MAP2K6: variants seen among roughly 807,000 people sequenced by gnomAD.
The protein encoded by MAP2K6 is dual specificity mitogen-activated protein kinase kinase 6.
MAP2K6 carries 16 observed loss-of-function variants against 53.7 expected under a neutral mutation model. The observed-to-expected ratio is 0.30, with a 90% CI of 0.20 to 0.45. MAP2K6 has a LOEUF of 0.45. Ranked by LOEUF, MAP2K6 falls within the 20% of genes least tolerant of loss-of-function variation. MAP2K6 has a pLI of 1.00. For missense variants in MAP2K6, 204 were observed against 411.9 expected (o/e 0.50, Z 4.37); for synonymous variants, 132 against 143.1 (o/e 0.92, Z 0.55).
chr17:69,547,025 A>T lies in MAP2K6; in HGVS notation c.*5272A>T, dbSNP rs1911903537. On this transcript the variant is annotated 3_prime_UTR_variant, in exon 12 of 12. Transcript: ENST00000590474. ...GAGGTCTATGTTCCTCTTGTGTTTGAGTGCCTCTAGCACTGTTAAATGTGC... is the reference window on the plus strand; with the variant it reads ...GAGGTCTATGTTCCTCTTGTGTTTGTGTGCCTCTAGCACTGTTAAATGTGC... The T allele has an allele frequency of 1.3e-5, 2 of 151,930 alleles. No individual in the cohort carries two copies. Among genetic ancestry groups the T allele is most frequent in the Admixed American group, 1.3e-4 (2 of 15,268 alleles). 9.4% of individuals were successfully genotyped at this position (151,930 alleles called of 1,614,324 possible).
chr17:69,441,737 A>G (rs1169470866), intron 1 of MAP2K6, among the ~76,000 whole-genome samples: 1 of 152,134 alleles, frequency 6.6e-6, no homozygotes, highest in Non-Finnish European at 1.5e-5. Flanking sequence ...CCTAAACCTT[A>G]TGATTTAGAA....
chr17:69,480,979 A>G (rs1908332430), intron 1 of MAP2K6, among the ~76,000 whole-genome samples: 1 of 152,160 alleles, frequency 6.6e-6, no homozygotes, highest in South Asian at 2.1e-4. Context: ...CTTTTGAAAG[A>G]TGTTTAAATT....
Position 69,514,485 on chromosome 17 carries a change from A to G in MAP2K6, c.84-2370A>G, listed in dbSNP as rs556452411. On this transcript the variant is annotated intron_variant, in intron 2 of 11. Coordinates refer to ENST00000590474, the MANE Select transcript of MAP2K6 (RefSeq NM_002758.4). ...ACTTTAAGTATTCTATGTATTCCAA[A>G]AGGATTTTGAGGTGAGAGAAGGCTT... 6.6e-5 allele frequency among the ~76,000 whole-genome samples: 10 copies of G among 152,246 alleles called. No individual in the cohort carries two copies. In the East Asian group the frequency reaches 1.9e-3, roughly 29 times the overall value.
chr17:69,503,339 C>A (rs759735113), intron 1 of MAP2K6, among the ~76,000 whole-genome samples: 1 of 152,298 alleles, frequency 6.6e-6, no homozygotes, highest in South Asian at 2.1e-4. Context: ...TATTTGGATT[C>A]TCATAACTGG....
At position 69,415,001 on chromosome 17, in the gene MAP2K6, G is replaced by T; in HGVS notation, c.16+1G>T. Reference sequence around the variant, plus strand: ...AAGGGGAAAATGTCTCAGTCGAAAGGTAAGAGGCTGTTTGCATTAGTTGCA... The same window carrying T: ...AAGGGGAAAATGTCTCAGTCGAAAGTTAAGAGGCTGTTTGCATTAGTTGCA... On this transcript the variant is annotated splice_donor_variant, in intron 1 of 11. Coordinates refer to ENST00000590474, the MANE Select transcript of MAP2K6 (RefSeq NM_002758.4). LOFTEE classifies it high-confidence loss of function. 6.4e-7 allele frequency: 1 copy of T among 1,552,072 alleles called. No homozygotes were observed. Among genetic ancestry groups the T allele is most frequent in the Non-Finnish European group, 8.9e-7 (1 of 1,123,540 alleles).
At chr17:69,467,071 A>G (rs554548009) in intron 1 of MAP2K6, among the ~76,000 whole-genome samples, 1 of 152,168 alleles carries the variant, frequency 6.6e-6, no homozygotes, top group South Asian at 2.1e-4. Context: ...GTAATGACTC[A>G]TGAACTGGTA....
intron 1 of MAP2K6, among the ~76,000 whole-genome samples, chr17:69,480,209 G>A (rs118058145): frequency 0.015 from 2,342 of 152,224 alleles, 21 homozygotes; most frequent in Non-Finnish European, 0.022. Flanking sequence ...ATTTTGCATC[G>A]GTACCCTGAG....
intron 11 of MAP2K6, among the ~76,000 whole-genome samples, chr17:69,539,933 G>GA (rs1478943377): frequency 6.6e-6 from 1 of 152,166 alleles, no homozygotes; most frequent in Non-Finnish European, 1.5e-5. Context: ...AGCTCAGGAG[G>GA]AAGGACCTGG....
At chr17:69,514,722 C>T (rs543147531) in intron 2 of MAP2K6, among the ~76,000 whole-genome samples, 11 of 151,938 alleles carry the variant, frequency 7.2e-5, no homozygotes, top group East Asian at 5.8e-4. Context: ...CCACCACGCC[C>T]GGCTAATTTT....
At position 69,548,488 on chromosome 17, in the gene MAP2K6, A is replaced by T. The variant is rs1460373951; in HGVS notation, c.*6735A>T. The T allele has an allele frequency of 6.6e-6, 1 of 152,078 alleles. No homozygotes were observed. Among genetic ancestry groups the T allele is most frequent in the African/African-American group, 2.4e-5 (1 of 41,392 alleles). 9.4% of individuals were successfully genotyped at this position (152,078 alleles called of 1,614,324 possible). On this transcript the variant is annotated 3_prime_UTR_variant, in exon 12 of 12. Transcript: ENST00000590474. ...TCTTGGTTAAAGCTATAGTCTCCTT[A>T]TTATTCAGAAATATTCTTTTTCCTG... is the stretch of plus-strand genomic sequence containing the variant.
At chr17:69,540,599 T>C (rs1165347356) in intron 11 of MAP2K6, among the ~76,000 whole-genome samples, 1 of 152,250 alleles carries the variant, frequency 6.6e-6, no homozygotes, top group Non-Finnish European at 1.5e-5. Flanking sequence ...CAGGATTGTT[T>C]TGAAATGCAT....
chr17:69,434,441 C>T (rs1906573022), intron 1 of MAP2K6: 1 of 152,178 alleles, frequency 6.6e-6, no homozygotes, highest in African/African-American at 2.4e-5. Flanking sequence ...GAGTGCTGCT[C>T]ACTCACATTT....
At chr17:69,520,490 A>G (rs1910408358) in intron 6 of MAP2K6, 104 bp downstream of exon 6, 2 of 696,360 alleles carry the variant, frequency 2.9e-6, no homozygotes, top group Admixed American at 2.5e-5. Context: ...CACAGCTACT[A>G]TTCGTACATG....
At chr17:69,496,432 G>A (rs750119803) in intron 1 of MAP2K6, among the ~76,000 whole-genome samples, 8 of 151,886 alleles carry the variant, frequency 5.3e-5, no homozygotes, top group Non-Finnish European at 7.4e-5. Flanking sequence ...CCCCACACCC[G>A]GCTAATTTTT....
At chr17:69,453,252 A>G (rs1478137505) in intron 1 of MAP2K6, among the ~76,000 whole-genome samples, 1 of 152,238 alleles carries the variant, frequency 6.6e-6, no homozygotes. Flanking sequence ...GTGAAAGGCC[A>G]CATAGTAAAT....
intron 11 of MAP2K6, among the ~76,000 whole-genome samples, chr17:69,538,466 C>T (rs1234152740): frequency 6.6e-6 from 1 of 152,186 alleles, no homozygotes; most frequent in Non-Finnish European, 1.5e-5. Context: ...CCTTTTAAGA[C>T]TATAACTGTT....
At chr17:69,436,019 T>TA (rs10610258) in intron 1 of MAP2K6, among the ~76,000 whole-genome samples, 129 of 144,832 alleles carry the variant, frequency 8.9e-4, no homozygotes, top group Admixed American at 2.0e-3. Flanking sequence ...CGATTTAAAA[T>TA]AAAAAAAAAA....
At chr17:69,497,662 T>C (rs1477768302) in intron 1 of MAP2K6, among the ~76,000 whole-genome samples, 1 of 152,176 alleles carries the variant, frequency 6.6e-6, no homozygotes, top group Admixed American at 6.5e-5. Flanking sequence ...CTCCTCCAGG[T>C]TTCTCTCTCC....
Position 69,414,974 on chromosome 17 carries a change from G to T in MAP2K6, c.-11G>T. On this transcript the variant is annotated 5_prime_UTR_variant, in exon 1 of 12. Coordinates refer to ENST00000590474, the MANE Select transcript of MAP2K6 (RefSeq NM_002758.4). The stretch of plus-strand genomic sequence containing the variant: ...TTTGTGCTCCCCTCCCCCATCAAAG[G>T]AAAGGGGAAAATGTCTCAGTCGAAA... 1 of 1,553,122 alleles carries T rather than the reference G, an allele frequency of 6.4e-7. No homozygotes were observed. Among genetic ancestry groups the T allele is most frequent in the South Asian group, 1.1e-5 (1 of 89,782 alleles).
Sources: allele counts gnomAD v4.1 joint callset (sites outside exome capture counted in the v4.1 genomes callset), GRCh38; gene constraint gnomAD v4.1.1; transcripts MANE v1.5; gene names NCBI Gene and HGNC (gene_info 2026-07-23, HGNC 2026-07-21).